CLEC16A: variants seen among roughly 807,000 people sequenced by gnomAD.
CLEC16A encodes the protein protein CLEC16A.
Under a neutral mutation model 109.5 loss-of-function variants are expected in CLEC16A, and 51 were observed. That is an observed-to-expected ratio of 0.47 (90% CI 0.37 to 0.59). The LOEUF is 0.59. Ranked by LOEUF, CLEC16A falls within the 20% of genes least tolerant of loss-of-function variation. The pLI is 0.00. For synonymous variants in CLEC16A, 673 were observed against 564.2 expected, an observed-to-expected ratio of 1.19 and a Z score of -2.73; for missense variants, 1,339 against 1,394.0, an observed-to-expected ratio of 0.96 and a Z score of 0.63.
At position 10,961,359 on chromosome 16, in the gene CLEC16A, G is replaced by A. The variant is rs1427022487; in HGVS notation, c.210-1096G>A. 6.6e-6 allele frequency among the ~76,000 whole-genome samples: 1 copy of A among 152,186 alleles called. No individual in the cohort carries two copies. Reference sequence around the variant, plus strand: ...AGCACTGAGTAAGTTCCAGGCCCATGACCTCACCACTGTGGAGATGCCAGA... The same window carrying A: ...AGCACTGAGTAAGTTCCAGGCCCATAACCTCACCACTGTGGAGATGCCAGA... On this transcript the variant is annotated intron_variant, in intron 2 of 23. Coordinates refer to ENST00000409790, the MANE Select transcript of CLEC16A (RefSeq NM_015226.3). The surrounding 1 kb of genome is among the most constrained non-coding windows in gnomAD (Gnocchi z 4.3).
At chr16:11,103,453 G>T (rs1025144839) in intron 19 of CLEC16A, among the ~76,000 whole-genome samples, 1 of 152,172 alleles carries the variant, frequency 6.6e-6, no homozygotes, top group African/African-American at 2.4e-5. Flanking sequence ...GGTGGCGCAT[G>T]CCTGTTGTCC....
At chr16:10,966,701 A>G (rs2042525282) in intron 3 of CLEC16A, among the ~76,000 whole-genome samples, 1 of 152,216 alleles carries the variant, frequency 6.6e-6, no homozygotes, top group Admixed American at 6.5e-5. Flanking sequence ...AAGGAGAAGA[A>G]TGAGTGCTCA....
intron 19 of CLEC16A, among the ~76,000 whole-genome samples, chr16:11,119,631 A>G (rs753297984): frequency 6.6e-6 from 1 of 151,964 alleles, no homozygotes; most frequent in Non-Finnish European, 1.5e-5. Context: ...AGCTGAAGCG[A>G]TCCTCCCTCC....
At chr16:11,176,920 C>A (rs1257880180) in intron 23 of CLEC16A, among the ~76,000 whole-genome samples, 1 of 152,116 alleles carries the variant, frequency 6.6e-6, no homozygotes, top group African/African-American at 2.4e-5. Flanking sequence ...TTATTTCGTT[C>A]TTTGTTTTTC....
At chr16:10,951,653 C>CA (rs1375676880) in intron 1 of CLEC16A, among the ~76,000 whole-genome samples, 2 of 152,174 alleles carry the variant, frequency 1.3e-5, no homozygotes, top group African/African-American at 4.8e-5. Context: ...CAGAGACTGG[C>CA]AGTAATAGGA....
intron 19 of CLEC16A, among the ~76,000 whole-genome samples, chr16:11,112,328 A>G (rs949248415): frequency 5.3e-5 from 8 of 152,164 alleles, no homozygotes; most frequent in African/African-American, 1.9e-4. Context: ...GGAATGTGTT[A>G]TCTAGTGAAA....
At chr16:11,127,428 T>C (rs7201415) in intron 22 of CLEC16A, among the ~76,000 whole-genome samples, 1 of 152,086 alleles carries the variant, frequency 6.6e-6, no homozygotes, top group Non-Finnish European at 1.5e-5. Context: ...TGCAAATTTC[T>C]CATGTCTGTG....
At chr16:10,979,441 G>A in intron 9 of CLEC16A, 59 bp downstream of exon 9, 2 of 1,493,056 alleles carry the variant, frequency 1.3e-6, no homozygotes, top group Non-Finnish European at 1.8e-6. Flanking sequence ...GCGTGCCACT[G>A]CCTTGAAGAA....
At chr16:11,032,105 G>T (rs546106314) in intron 13 of CLEC16A, among the ~76,000 whole-genome samples, 7 of 152,322 alleles carry the variant, frequency 4.6e-5, no homozygotes, top group Non-Finnish European at 8.8e-5. Context: ...GACTCTGCCC[G>T]CAGGAGTGAG....
chr16:11,087,987 G>A (rs2050102526), intron 19 of CLEC16A, among the ~76,000 whole-genome samples: 1 of 152,244 alleles, frequency 6.6e-6, no homozygotes, highest in South Asian at 2.1e-4. Context: ...AGCCTTTGAA[G>A]CCTCTGCAGC....
At chr16:11,061,265 T>A (rs2152904928) in intron 19 of CLEC16A, among the ~76,000 whole-genome samples, 1 of 152,310 alleles carries the variant, frequency 6.6e-6, no homozygotes, top group Middle Eastern at 3.4e-3. Flanking sequence ...AAAAAGTCTC[T>A]GCAGAGCACC....
intron 19 of CLEC16A, among the ~76,000 whole-genome samples, chr16:11,106,759 C>T (rs1345413044): frequency 6.6e-6 from 1 of 152,118 alleles, no homozygotes; most frequent in Non-Finnish European, 1.5e-5. Context: ...TCCCCAAATA[C>T]TCCAGCTTGC....
At chr16:11,124,212 T>C (rs1369857787) in intron 21 of CLEC16A, among the ~76,000 whole-genome samples, 1 of 152,208 alleles carries the variant, frequency 6.6e-6, no homozygotes, top group Non-Finnish European at 1.5e-5. Flanking sequence ...GGACCACTCT[T>C]CTCAGCCCTT....
chr16:11,089,140 G>C (rs776293599), intron 19 of CLEC16A, among the ~76,000 whole-genome samples: 1 of 152,062 alleles, frequency 6.6e-6, no homozygotes, highest in Non-Finnish European at 1.5e-5. Context: ...TGTTCACCAC[G>C]GTCACTCCAG....
At chr16:11,134,680 A>G (rs1191554650) in intron 22 of CLEC16A, among the ~76,000 whole-genome samples, 1 of 152,172 alleles carries the variant, frequency 6.6e-6, no homozygotes, top group African/African-American at 2.4e-5. Flanking sequence ...AAATGCTCCG[A>G]TGTGTGTTTC....
intron 23 of CLEC16A, among the ~76,000 whole-genome samples, chr16:11,167,293 C>T (rs2068306688): frequency 6.6e-6 from 1 of 152,164 alleles, no homozygotes; most frequent in Admixed American, 6.5e-5. Context: ...ATGTTCTGTG[C>T]CCCAGCAGCA....
rs1193204521 is a variant in CLEC16A at position 11,064,701 on chromosome 16, C to T, written c.2116+3679C>T. Among the ~76,000 whole-genome samples the T allele has an allele frequency of 2.0e-5, 3 of 152,096 alleles. No individual in the cohort carries two copies. In the East Asian group the frequency reaches 5.8e-4, roughly 29 times the overall value. On this transcript the variant is annotated intron_variant, in intron 19 of 23. Coordinates refer to ENST00000409790, the MANE Select transcript of CLEC16A (RefSeq NM_015226.3). ...CTGAGGTGGGAGGATCTCTTGAACC[C>T]GGGAAGTTGAGGCTGCAGTGAACCC... is the stretch of plus-strand genomic sequence containing the variant.
intron 19 of CLEC16A, among the ~76,000 whole-genome samples, chr16:11,065,258 G>C (rs143445745): frequency 5.3e-5 from 8 of 152,176 alleles, no homozygotes; most frequent in African/African-American, 1.9e-4. Flanking sequence ...CAATAGGGGA[G>C]AAATCTGTCC....
chr16:11,137,969 T>G (rs1230094361), intron 22 of CLEC16A, among the ~76,000 whole-genome samples: 1 of 152,210 alleles, frequency 6.6e-6, no homozygotes, highest in African/African-American at 2.4e-5. Flanking sequence ...AGCCATTTGA[T>G]TTTCCACGTG....
Sources: gnomAD v4.1 joint callset for allele counts (sites outside exome capture counted in the v4.1 genomes callset) on GRCh38, gnomAD v4.1.1 for gene constraint, Gnocchi (gnomAD v3.1) non-coding constraint, MANE v1.5 for transcripts, NCBI Gene and HGNC (gene_info 2026-07-23, HGNC 2026-07-21) for gene names.